Variants in MSI2 observed in about 807,000 individuals in gnomAD.
The protein encoded by MSI2 is RNA-binding protein Musashi homolog 2.
MSI2 carries 17 observed loss-of-function variants against 45.6 expected under a neutral mutation model. The observed-to-expected ratio is 0.37, with a 90% CI of 0.26 to 0.56. MSI2 has a LOEUF of 0.56. Among genes scored for constraint, MSI2 ranks in the 20% least tolerant of loss-of-function variants. The probability of loss-of-function intolerance (pLI) is 0.77; values close to 1 mark genes in which losing one functional copy is unlikely to be tolerated. For missense variants in MSI2, 293 were observed against 444.2 expected (o/e 0.66, Z 3.06); for synonymous variants, 156 against 158.2 (o/e 0.99, Z 0.11).
intron 5 of MSI2, among the ~76,000 whole-genome samples, chr17:57,401,120 C>T (rs960261096): frequency 2.0e-5 from 3 of 152,092 alleles, no homozygotes; most frequent in African/African-American, 7.2e-5. Flanking sequence ...AATGAAGTTG[C>T]GTGTTGTGGC....
chr17:57,687,113 A>G (rs68050993), downstream of MSI2, among the ~76,000 whole-genome samples: 23,740 of 146,900 alleles, frequency 0.16, 3,215 homozygotes, highest in African/African-American at 0.37. Flanking sequence ...AAAAGTTAAA[A>G]AAGATTACAT....
chr17:57,590,682 C>A (rs34669193), intron 7 of MSI2, among the ~76,000 whole-genome samples: 34,614 of 152,080 alleles, frequency 0.23, 4,055 homozygotes, highest in Middle Eastern at 0.3. Flanking sequence ...TCTTTGTCCC[C>A]GCTTTGCTGA....
At chr17:57,636,717 G>A (rs1016594533) in intron 10 of MSI2, among the ~76,000 whole-genome samples, 2 of 152,112 alleles carry the variant, frequency 1.3e-5, no homozygotes, top group African/African-American at 4.8e-5. Flanking sequence ...GTTTTTAAGG[G>A]ACTGTTTCCT....
At chr17:57,571,007 A>T (rs56966013) in intron 7 of MSI2, among the ~76,000 whole-genome samples, 4,350 of 152,294 alleles carry the variant, frequency 0.029, 190 homozygotes, top group African/African-American at 0.099. Context: ...CCTGAGCCAC[A>T]GGTGGGCTCA....
intron 6 of MSI2, among the ~76,000 whole-genome samples, chr17:57,476,418 T>C (rs1285534176): frequency 6.6e-6 from 1 of 152,166 alleles, no homozygotes; most frequent in Admixed American, 6.5e-5. Flanking sequence ...TCGTCTAGAG[T>C]GGCCTACTGG....
intron 5 of MSI2, among the ~76,000 whole-genome samples, chr17:57,362,426 G>A (rs1916871696): frequency 6.6e-6 from 1 of 152,152 alleles, no homozygotes; most frequent in African/African-American, 2.4e-5. Context: ...GGGAGAGATG[G>A]CGAAGTAACT....
At chr17:57,515,260 A>G (rs1319368215) in intron 6 of MSI2, among the ~76,000 whole-genome samples, 3 of 152,118 alleles carry the variant, frequency 2.0e-5, no homozygotes, top group East Asian at 1.9e-4. Context: ...CTGGAGTGCA[A>G]TGGCATGATC....
chr17:57,399,083 C>T (rs1355811598), intron 5 of MSI2, among the ~76,000 whole-genome samples: 1 of 152,202 alleles, frequency 6.6e-6, no homozygotes, highest in Non-Finnish European at 1.5e-5. Context: ...TTTTGCCATT[C>T]AAGTGACCTC....
chr17:57,630,193 T>TGGGGGGGGGGGG (rs781446299), intron 10 of MSI2: 2 of 146,904 alleles, frequency 1.4e-5, no homozygotes, highest in South Asian at 2.2e-4. Context: ...GGGCGGGGGA[T>TGGGGGGGGGGGG]GGACTGGGCT....
chr17:57,667,634 C>T (rs150359195), intron 11 of MSI2, among the ~76,000 whole-genome samples: 2 of 152,346 alleles, frequency 1.3e-5, no homozygotes, highest in East Asian at 3.9e-4. Flanking sequence ...TCCCTCAGGG[C>T]CCTTGGGGGT....
At chr17:57,327,706 G>T (rs964099209) in intron 5 of MSI2, among the ~76,000 whole-genome samples, 1 of 152,092 alleles carries the variant, frequency 6.6e-6, no homozygotes, top group African/African-American at 2.4e-5. Context: ...CAATCTTGTC[G>T]CAAAAACCAA....
At chr17:57,593,076 G>C (rs1284513868) in intron 7 of MSI2, among the ~76,000 whole-genome samples, 4 of 152,296 alleles carry the variant, frequency 2.6e-5, no homozygotes, top group Middle Eastern at 3.4e-3. Flanking sequence ...TCATGGGGCA[G>C]TGCCCTTCAG....
intron 5 of MSI2, among the ~76,000 whole-genome samples, chr17:57,293,909 G>GTTTTTT (rs72240746): frequency 6.9e-6 from 1 of 145,414 alleles, no homozygotes; most frequent in Non-Finnish European, 1.5e-5. Context: ...TGCCCAGCCT[G>GTTTTTT]TTTTTTTTTT....
At chr17:57,287,710 T>C (rs1910044117) in intron 5 of MSI2, among the ~76,000 whole-genome samples, 1 of 152,198 alleles carries the variant, frequency 6.6e-6, no homozygotes, top group Admixed American at 6.5e-5. Flanking sequence ...ACTGCACACC[T>C]GGCCGGCCTG....
the MSI2 span, among the ~76,000 whole-genome samples, chr17:57,697,552 T>G: frequency 6.6e-6 from 1 of 152,132 alleles, no homozygotes; most frequent in Non-Finnish European, 1.5e-5. Context: ...AGTCACTCGG[T>G]GTATTAGTCC....
chr17:57,634,696 C>T (rs1001296383), intron 10 of MSI2, among the ~76,000 whole-genome samples: 1 of 152,132 alleles, frequency 6.6e-6, no homozygotes, highest in Admixed American at 6.5e-5. Context: ...TAATAAGACA[C>T]AAAATAATAA....
intron 7 of MSI2, among the ~76,000 whole-genome samples, chr17:57,562,709 G>A (rs565949591): frequency 2.6e-5 from 4 of 152,330 alleles, no homozygotes; most frequent in African/African-American, 9.6e-5. Flanking sequence ...CAGGCAAACT[G>A]GTGGCTAACA....
intron 7 of MSI2, among the ~76,000 whole-genome samples, chr17:57,583,246 T>G (rs2088251925): frequency 1.3e-5 from 2 of 152,216 alleles, no homozygotes; most frequent in Non-Finnish European, 2.9e-5. Flanking sequence ...ATTTACTGGT[T>G]ACCTGTAAAC....
In MSI2 at chr17:57,682,816, G is replaced by A. The variant is rs1913697476; in HGVS notation, c.*3299G>A. 4.5e-6 allele frequency: 1 copy of A among 224,162 alleles called. No homozygotes were observed. Among genetic ancestry groups the A allele is most frequent in the Admixed American group, 5.7e-5 (1 of 17,442 alleles). 13.9% of individuals were successfully genotyped at this position (224,162 alleles called of 1,614,324 possible). ...CCACCGGGTGACTTTCTGGCTTCCA[G>A]ATCCATCTGCCTGAGACCCCCGAAC... On this transcript the variant is annotated 3_prime_UTR_variant, in exon 14 of 14. Coordinates refer to ENST00000284073, the MANE Select transcript of MSI2 (RefSeq NM_138962.4).
Sources: gnomAD v4.1 joint callset for allele counts (sites outside exome capture counted in the v4.1 genomes callset) on GRCh38, gnomAD v4.1.1 for gene constraint, MANE v1.5 for transcripts, NCBI Gene and HGNC (gene_info 2026-07-23, HGNC 2026-07-21) for gene names.